SNAP91: variants seen among roughly 807,000 people sequenced by gnomAD.
The protein encoded by SNAP91 is synaptosome associated protein 91.
In SNAP91, 27 loss-of-function variants were observed where a neutral mutation model predicts 100.3. The ratio of observed to expected loss-of-function variants is 0.27; its 90% CI spans 0.20 to 0.37. The LOEUF is 0.37. Among genes scored for constraint, SNAP91 ranks in the 10% least tolerant of loss-of-function variants. The pLI is 1.00. For missense variants in SNAP91, 986 were observed against 1,123.7 expected (o/e 0.88, Z 1.75); for synonymous variants, 404 against 398.6 (o/e 1.01, Z -0.16).
At position 83,601,614 on chromosome 6, in the gene SNAP91, T is replaced by C; in HGVS notation, c.1142-15A>G. ...TCCCAAAAGGTCTACCGATGTCCAT[T>C]ACATGGCAGCATAAGAATAAATAAG... On this transcript the variant is annotated splice_polypyrimidine_tract_variant and intron_variant, in intron 14 of 29. Transcript: ENST00000369694. 6.2e-7 allele frequency: 1 copy of C among 1,612,928 alleles called. No individual in the cohort carries two copies. Among genetic ancestry groups the C allele is most frequent in the East Asian group, 2.2e-5 (1 of 44,866 alleles).
chr6:83,692,453 TAC>T (rs1423306699), intron 2 of SNAP91, among the ~76,000 whole-genome samples: 8 of 151,388 alleles, frequency 5.3e-5, no homozygotes, highest in African/African-American at 1.9e-4. Flanking sequence ...AGGCAGAGGT[TAC>T]AGTGAGCTGA....
intron 26 of SNAP91, among the ~76,000 whole-genome samples, chr6:83,574,504 T>C (rs1814574056): frequency 6.6e-6 from 1 of 152,110 alleles, no homozygotes; most frequent in South Asian, 2.1e-4. Context: ...AAAATGAACT[T>C]ACACAATAAA....
intron 16 of SNAP91, among the ~76,000 whole-genome samples, chr6:83,599,895 C>T (rs1159856420): frequency 1.3e-5 from 2 of 152,134 alleles, no homozygotes; most frequent in African/African-American, 4.8e-5. Flanking sequence ...AGCAATCCTC[C>T]TGCCTCAGCC....
intron 2 of SNAP91, among the ~76,000 whole-genome samples, chr6:83,684,994 C>T (rs2099041582): frequency 6.6e-6 from 1 of 152,140 alleles, no homozygotes; most frequent in Non-Finnish European, 1.5e-5. Context: ...TCAATATAGG[C>T]ACAGACCTTG....
At chr6:83,662,209 TA>T in intron 4 of SNAP91, 137 bp downstream of exon 4, 1 of 328,472 alleles carries the variant, frequency 3.0e-6, no homozygotes, top group Non-Finnish European at 5.7e-6. Context: ...TTAAATATTT[TA>T]AAGCTATATT....
chr6:83,565,135 A>G (rs564320661), intron 26 of SNAP91, among the ~76,000 whole-genome samples: 1 of 151,940 alleles, frequency 6.6e-6, no homozygotes, highest in Admixed American at 6.6e-5. Context: ...AAAATATGAC[A>G]CTTTGGCATA....
At position 83,707,884 on chromosome 6, in the gene SNAP91, T is replaced by C. The variant is rs2099401443; in HGVS notation, c.44A>G (p.Tyr15Cys). 1 of 1,605,250 alleles carries C rather than the reference T, an allele frequency of 6.2e-7. No homozygotes were observed. The highest frequency in any genetic ancestry group is 2.3e-5 in the East Asian group (1 of 44,426). Residue 15 changes from tyrosine (Y) to cysteine (C), a missense_variant, in exon 2 of 30, where the codon TAC becomes TGC. Tyr to Cys is a radical substitution (Grantham distance 194). Coordinates refer to ENST00000369694, the MANE Select transcript of SNAP91 (RefSeq NM_001242792.2). ...TGCTACAGCAGAGCCTGTAACGCTG[T>C]ACTGAGCGGCGGCGATCCGATCCGT... ...TLTDRIAAAQ[Y>C]SVTGSAVARA...
intron 26 of SNAP91, among the ~76,000 whole-genome samples, chr6:83,570,550 G>GGC (rs1203054547): frequency 4.3e-5 from 6 of 140,078 alleles, no homozygotes; most frequent in African/African-American, 1.4e-4. Flanking sequence ...GAGGTTTACG[G>GGC]GGTGGCGGGG....
chr6:83,596,794 T>C (rs2094528431), intron 16 of SNAP91, among the ~76,000 whole-genome samples: 1 of 152,212 alleles, frequency 6.6e-6, no homozygotes, highest in Non-Finnish European at 1.5e-5. Context: ...TGACTAAAGT[T>C]ACACAGCAAG....
At chr6:83,660,671 T>C (rs551643441) in intron 5 of SNAP91, among the ~76,000 whole-genome samples, 22 of 152,288 alleles carry the variant, frequency 1.4e-4, no homozygotes, top group African/African-American at 4.6e-4. Flanking sequence ...TTATGGTGTG[T>C]GTTTATATAT....
chr6:83,688,593 T>A lies in SNAP91; in HGVS notation c.130+19205A>T, dbSNP rs188576943. On this transcript the variant is annotated intron_variant, in intron 2 of 29. Coordinates refer to ENST00000369694, the MANE Select transcript of SNAP91 (RefSeq NM_001242792.2). ...GTCTCGGCTCACTGCAGCCGCCACA[T>A]CCCAGGTTCAAGCGATTCTCCTGCC... Among the ~76,000 whole-genome samples the A allele has an allele frequency of 2.9e-3, 428 of 149,876 alleles. 1 individual carries two copies. Among genetic ancestry groups the A allele is most frequent in the African/African-American group, 0.01 (416 of 40,644 alleles).
At chr6:83,679,008 C>A in intron 2 of SNAP91, 1 of 434,882 alleles carries the variant, frequency 2.3e-6, no homozygotes, top group Non-Finnish European at 3.4e-6. Context: ...CAGATTCAAC[C>A]AAACTCAGAT....
At chr6:83,660,102 C>A (rs1158964498) in intron 5 of SNAP91, among the ~76,000 whole-genome samples, 2 of 152,138 alleles carry the variant, frequency 1.3e-5, no homozygotes, top group Non-Finnish European at 1.5e-5. Context: ...CAGGGTCTCT[C>A]CCAGACCAAC....
At chr6:83,635,452 C>CT (rs971537914) in intron 8 of SNAP91, among the ~76,000 whole-genome samples, 1 of 151,942 alleles carries the variant, frequency 6.6e-6, no homozygotes, top group East Asian at 1.9e-4. Flanking sequence ...TGTACTTTTT[C>CT]TTTTTTTACT....
At chr6:83,573,434 A>G (rs1369572526) in intron 26 of SNAP91, among the ~76,000 whole-genome samples, 3 of 152,236 alleles carry the variant, frequency 2.0e-5, no homozygotes, top group African/African-American at 4.8e-5. Context: ...CTTTCTTCAC[A>G]GAATTGGAAA....
chr6:83,689,508 G>C (rs1448010956), intron 2 of SNAP91: 1 of 152,050 alleles, frequency 6.6e-6, no homozygotes, highest in East Asian at 1.9e-4. Context: ...AAGGTAAAAA[G>C]TGGTAGACTA....
intron 8 of SNAP91, among the ~76,000 whole-genome samples, chr6:83,640,633 C>T (rs1222918703): frequency 1.3e-5 from 2 of 152,034 alleles, no homozygotes; most frequent in East Asian, 3.8e-4. Flanking sequence ...ACAAATTATG[C>T]TTTCTGTCTT....
At position 83,560,105 on chromosome 6, in the gene SNAP91, T is replaced by G. The variant is rs1273544095; in HGVS notation, c.2630A>C (p.Gln877Pro). 1.2e-6 allele frequency: 2 copies of G among 1,613,108 alleles called. No individual in the cohort carries two copies. Among genetic ancestry groups the G allele is most frequent in the South Asian group, 2.2e-5 (2 of 91,068 alleles). The change falls in exon 28 of 30, where the codon CAG becomes CCG. Residue 877 changes from glutamine to proline, a missense_variant and splice_region_variant. Physicochemically the swap from Gln to Pro is moderately conservative, Grantham distance 76. This residue lies in a region of SNAP91 where 71 missense variants were observed against 68.5 expected (regional missense o/e 1.04). Coordinates refer to ENST00000369694, the MANE Select transcript of SNAP91 (RefSeq NM_001242792.2). Reference sequence around the variant, plus strand: ...TTTGTGGACATTGAAGAAACTGACCTGCGTGCCAGGTACAGCGGCAGCTCC... The same window carrying G: ...TTTGTGGACATTGAAGAAACTGACCGGCGTGCCAGGTACAGCGGCAGCTCC... ...PFGAAAVPGTQLSPSPTPASQ... is the reference protein window; with the variant it reads ...PFGAAAVPGTPLSPSPTPASQ...
chr6:83,565,090 T>A (rs1314310335), intron 26 of SNAP91, among the ~76,000 whole-genome samples: 1 of 151,372 alleles, frequency 6.6e-6, no homozygotes, highest in Non-Finnish European at 1.5e-5. Flanking sequence ...TAAAATGGGC[T>A]AAGGATGTTA....
Sources: gnomAD v4.1 joint callset for allele counts (sites outside exome capture counted in the v4.1 genomes callset) on GRCh38, gnomAD v4.1.1 for gene constraint, gnomAD v4.1.1 regional missense constraint, MANE v1.5 for transcripts, NCBI Gene and HGNC (gene_info 2026-07-23, HGNC 2026-07-21) for gene names.